The following AGBL1 variants were observed in gnomAD, a reference collection of about 807,000 sequenced individuals.
The protein encoded by AGBL1 is cytosolic carboxypeptidase 4.
Under a neutral mutation model 118.9 loss-of-function variants are expected in AGBL1, and 130 were observed. The observed-to-expected ratio is 1.09, with a 90% CI of 0.95 to 1.26. The LOEUF (loss-of-function observed/expected upper bound fraction) is 1.26. Among genes scored for constraint, AGBL1 ranks in the 50% most tolerant of loss-of-function variants. AGBL1 has a pLI of 0.00. For missense variants in AGBL1, 1,584 were observed against 1,298.1 expected (o/e 1.22, Z -3.38); for synonymous variants, 555 against 478.9 (o/e 1.16, Z -2.08).
intron 22 of AGBL1, among the ~76,000 whole-genome samples, chr15:86,716,430 A>G (rs1214256041): frequency 6.6e-6 from 1 of 152,132 alleles, no homozygotes; most frequent in Non-Finnish European, 1.5e-5. Flanking sequence ...TGTCACTTCC[A>G]TTTCATGTGA....
intron 17 of AGBL1, among the ~76,000 whole-genome samples, chr15:86,370,298 T>C (rs1452993829): frequency 7.8e-6 from 1 of 127,520 alleles, no homozygotes; most frequent in East Asian, 2.6e-4. Context: ...ACTGTCTCTA[T>C]TCCTTTTTTT....
chr15:86,767,162 A>G (rs2078107898), intron 22 of AGBL1, among the ~76,000 whole-genome samples: 1 of 151,976 alleles, frequency 6.6e-6, no homozygotes. Flanking sequence ...AGATTTTTGA[A>G]TCTATTTTTT....
At chr15:86,542,421 C>T (rs2083515092) in intron 19 of AGBL1, among the ~76,000 whole-genome samples, 2 of 142,838 alleles carry the variant, frequency 1.4e-5, no homozygotes, top group South Asian at 4.4e-4. Flanking sequence ...GGCTGGAGTG[C>T]AATGGCACGA....
At chr15:86,439,212 T>C (rs1260548650) in intron 18 of AGBL1, among the ~76,000 whole-genome samples, 1 of 152,088 alleles carries the variant, frequency 6.6e-6, no homozygotes, top group Non-Finnish European at 1.5e-5. Flanking sequence ...TTAAGGGTAG[T>C]CAGAAATTCA....
chr15:86,536,670 T>G (rs2083430937), intron 19 of AGBL1, among the ~76,000 whole-genome samples: 3 of 152,064 alleles, frequency 2.0e-5, no homozygotes, highest in African/African-American at 7.2e-5. Flanking sequence ...TCTAAACAAA[T>G]TTCTTATGTT....
Position 86,974,511 on chromosome 15 carries a change from A to AAC in AGBL1, c.3222-13475_3222-13474insCA, listed in dbSNP as rs1259843549. On this transcript the variant is annotated intron_variant, in intron 23 of 24. Transcript: ENST00000441037. The stretch of plus-strand genomic sequence containing the variant: ...AAACATATTTTATATATTGAATATA[A>AAC]ATATATATAATATATATTAAATATA... Among the ~76,000 whole-genome samples, 657 of 128,676 alleles carry AAC rather than the reference A, an allele frequency of 5.1e-3. 6 individuals carry two copies. Among genetic ancestry groups the AAC allele is most frequent in the East Asian group, 0.01 (47 of 4,694 alleles). 84.4% of individuals were successfully genotyped at this position (128,676 alleles called of 152,430 possible). A position where few individuals can be genotyped will look rare whatever the true frequency, so the allele number is the denominator to read the frequency against.
intron 16 of AGBL1, among the ~76,000 whole-genome samples, chr15:86,290,725 A>G (rs921010789): frequency 1.3e-5 from 2 of 151,742 alleles, no homozygotes; most frequent in Admixed American, 1.3e-4. Flanking sequence ...GTTTTAGGGT[A>G]CACGTGCACA....
At chr15:87,008,628 A>G (rs1370227544) in intron 24 of AGBL1, among the ~76,000 whole-genome samples, 1 of 152,206 alleles carries the variant, frequency 6.6e-6, no homozygotes, top group Non-Finnish European at 1.5e-5. Context: ...AACAGTTTGA[A>G]GGGCTCAGAA....
intron 22 of AGBL1, among the ~76,000 whole-genome samples, chr15:86,831,375 C>T (rs2079101459): frequency 6.6e-6 from 1 of 152,184 alleles, no homozygotes; most frequent in Non-Finnish European, 1.5e-5. Context: ...AGTCCAAAGT[C>T]TCATCTGAGA....
chr15:86,200,289 CAG>C (rs1284290999), intron 5 of AGBL1, among the ~76,000 whole-genome samples: 20 of 152,114 alleles, frequency 1.3e-4, no homozygotes, highest in Non-Finnish European at 2.1e-4. Flanking sequence ...ATTGATGGAT[CAG>C]AGACTTAAAA....
chr15:86,197,896 T>TA (rs113902642), intron 5 of AGBL1, among the ~76,000 whole-genome samples: 5,711 of 143,436 alleles, frequency 0.04, 318 homozygotes, highest in African/African-American at 0.13. Context: ...AGCTATTCTT[T>TA]AAAAAAAAAA....
chr15:86,132,101 C>T (rs571941020), intron 1 of AGBL1, among the ~76,000 whole-genome samples: 48 of 152,204 alleles, frequency 3.2e-4, no homozygotes, highest in African/African-American at 1.1e-3. Flanking sequence ...TTAAAGAGTA[C>T]CCGAGTAGCG....
intron 1 of AGBL1, among the ~76,000 whole-genome samples, chr15:86,117,760 GTAAC>G (rs1228007783): frequency 1.3e-5 from 2 of 152,064 alleles, no homozygotes; most frequent in Admixed American, 1.3e-4. Flanking sequence ...CACAGAAAAA[GTAAC>G]AACAACAACT....
At chr15:86,321,690 T>A (rs1236860590) in intron 17 of AGBL1, among the ~76,000 whole-genome samples, 2 of 152,010 alleles carry the variant, frequency 1.3e-5, no homozygotes, top group African/African-American at 4.8e-5. Context: ...GTCAGGAGAA[T>A]TGCTTGAACT....
chr15:87,010,452 C>T (rs1045643262), intron 24 of AGBL1, among the ~76,000 whole-genome samples: 13 of 152,144 alleles, frequency 8.5e-5, no homozygotes, highest in African/African-American at 3.1e-4. Flanking sequence ...ATACACCACC[C>T]AACATGGATG....
At chr15:86,667,493 A>G (rs1318580008) in intron 21 of AGBL1, among the ~76,000 whole-genome samples, 1 of 152,168 alleles carries the variant, frequency 6.6e-6, no homozygotes, top group East Asian at 1.9e-4. Context: ...AATTATTTAT[A>G]TCTTGCTCCA....
rs191398315 is a variant in AGBL1 at position 86,719,964 on chromosome 15, T to C, written c.3158+45528T>C. ...ATTCTCAAGCTCCTTAGCCGATTTT[T>C]CCCTAGCTTTCTCATCTAGTCACAA... On this transcript the variant is annotated intron_variant, in intron 22 of 22. Transcript: ENST00000614907. Among the ~76,000 whole-genome samples, 13 of 152,340 alleles carry C rather than the reference T, an allele frequency of 8.5e-5. No homozygotes were observed. The East Asian group carries it at 2.5e-3, about 29-fold the overall frequency.
intron 5 of AGBL1, among the ~76,000 whole-genome samples, chr15:86,209,713 C>T (rs1450359276): frequency 6.6e-6 from 1 of 152,076 alleles, no homozygotes; most frequent in African/African-American, 2.4e-5. Context: ...TGTGTCTCTG[C>T]ATGTGAGATG....
At chr15:86,345,701 A>G (rs377004693) in intron 17 of AGBL1, among the ~76,000 whole-genome samples, 15 of 152,148 alleles carry the variant, frequency 9.9e-5, no homozygotes, top group East Asian at 1.9e-4. Flanking sequence ...TTTTTTCCCA[A>G]TTGAGGGCTT....
Sources: allele counts gnomAD v4.1 joint callset (sites outside exome capture counted in the v4.1 genomes callset), GRCh38; gene constraint gnomAD v4.1.1; transcripts MANE v1.5; gene names NCBI Gene and HGNC (gene_info 2026-07-23, HGNC 2026-07-21).